Variants in SPATA9 observed in about 807,000 individuals in gnomAD.
SPATA9 encodes spermatogenesis-associated protein 9.
SPATA9 carries 27 observed loss-of-function variants against 25.5 expected under a neutral mutation model. The ratio of observed to expected loss-of-function variants is 1.06; its 90% CI spans 0.78 to 1.46. The LOEUF (loss-of-function observed/expected upper bound fraction) is 1.46, where lower values mean the gene tolerates loss of function less well. SPATA9 is among the 40% of genes most tolerant of loss of function. The pLI, the probability that SPATA9 is intolerant of heterozygous loss-of-function variation, is 0.00. For synonymous variants in SPATA9, 102 were observed against 105.7 expected (o/e 0.97, Z 0.21); for missense variants, 282 against 297.5 (o/e 0.95, Z 0.38).
At chr5:95,731,677 G>C in the SPATA9 span, 58 of 1,613,500 alleles carry the variant, frequency 3.6e-5, no homozygotes, top group South Asian at 6.4e-4. Context: ...CCTTGGATTT[G>C]AGATCATGTA....
At chr5:95,730,403 C>A in the SPATA9 span, among the ~76,000 whole-genome samples, 8 of 152,302 alleles carry the variant, frequency 5.3e-5, no homozygotes, top group South Asian at 2.1e-4. Flanking sequence ...TAATCCCTGG[C>A]CCATTTTGGT....
At chr5:95,730,947 G>T in the SPATA9 span, 1 of 476,184 alleles carries the variant, frequency 2.1e-6, no homozygotes, top group Admixed American at 2.4e-5. Context: ...GGTTGCTGGG[G>T]CGGCACTCGG....
the SPATA9 span, among the ~76,000 whole-genome samples, chr5:95,728,775 TAGG>T: frequency 6.6e-6 from 1 of 152,124 alleles, no homozygotes; most frequent in African/African-American, 2.4e-5. Flanking sequence ...CAGGATGAGA[TAGG>T]AGGTCAGCAC....
intron 3 of SPATA9, among the ~76,000 whole-genome samples, chr5:95,664,412 A>G (rs961159666): frequency 2.0e-5 from 3 of 152,222 alleles, no homozygotes; most frequent in Non-Finnish European, 2.9e-5. Flanking sequence ...CACAACCTCA[A>G]TTAAGTAAAC....
chr5:95,708,876 G>A, the SPATA9 span: 2 of 483,794 alleles, frequency 4.1e-6, no homozygotes, highest in Non-Finnish European at 7.4e-6. Context: ...AGGAAGGCAC[G>A]GAGGACATAA....
At chr5:95,700,919 T>G (rs1389524380), upstream of SPATA9, among the ~76,000 whole-genome samples, 2 of 152,230 alleles carry the variant, frequency 1.3e-5, no homozygotes, top group African/African-American at 4.8e-5. Flanking sequence ...AATATTTTCC[T>G]TTTTATCACT....
intron 3 of SPATA9, among the ~76,000 whole-genome samples, chr5:95,665,081 C>T (rs1751644736): frequency 6.6e-6 from 1 of 152,000 alleles, no homozygotes; most frequent in African/African-American, 2.4e-5. Flanking sequence ...TTTTAATTGA[C>T]ACATTGTAAT....
downstream of SPATA9, chr5:95,657,565 C>T (rs1750836065): frequency 6.6e-6 from 1 of 152,042 alleles, no homozygotes; most frequent in African/African-American, 2.4e-5. Flanking sequence ...TAATACTTAA[C>T]ATTCTAAGGA....
chr5:95,723,501 G>T, the SPATA9 span, among the ~76,000 whole-genome samples: 1 of 152,174 alleles, frequency 6.6e-6, no homozygotes, highest in African/African-American at 2.4e-5. Flanking sequence ...GAATGACTTT[G>T]CTTAGTTACT....
At chr5:95,697,181 G>A (rs1030152369) in intron 1 of SPATA9, among the ~76,000 whole-genome samples, 7 of 152,200 alleles carry the variant, frequency 4.6e-5, no homozygotes, top group African/African-American at 7.2e-5. Flanking sequence ...AGAGGTTGCA[G>A]TCAAACTGTT....
intron 3 of SPATA9, chr5:95,670,392 T>C (rs940019563): frequency 6.6e-6 from 1 of 152,202 alleles, no homozygotes; most frequent in African/African-American, 2.4e-5. Context: ...ATAGAGAGTT[T>C]TGGTAGAGCT....
chr5:95,653,045 G>T (rs1004468332), exon 9 of SPATA9: 9 of 1,539,126 alleles, frequency 5.8e-6, no homozygotes, highest in Non-Finnish European at 7.9e-6. Context: ...TGCATATTAT[G>T]TTCCAGTCTT....
upstream of SPATA9, among the ~76,000 whole-genome samples, chr5:95,703,639 A>G (rs1442687520): frequency 6.6e-6 from 1 of 151,314 alleles, no homozygotes; most frequent in Non-Finnish European, 1.5e-5. Flanking sequence ...CATCTCAAAA[A>G]AAAGTAAAAA....
At chr5:95,654,531 T>C (rs1377404795), downstream of SPATA9, among the ~76,000 whole-genome samples, 2 of 152,220 alleles carry the variant, frequency 1.3e-5, no homozygotes, top group Non-Finnish European at 2.9e-5. Context: ...ACCTAGCAAT[T>C]ATACTCTATA....
the SPATA9 span, among the ~76,000 whole-genome samples, chr5:95,727,235 ACCT>A: frequency 6.6e-6 from 1 of 152,084 alleles, no homozygotes; most frequent in Non-Finnish European, 1.5e-5. Context: ...TTTTTCTGCC[ACCT>A]CCTCAAGCTG....
At chr5:95,709,960 C>T in the SPATA9 span, among the ~76,000 whole-genome samples, 6 of 152,112 alleles carry the variant, frequency 3.9e-5, no homozygotes, top group African/African-American at 1.4e-4. Flanking sequence ...AGCCTGCGCT[C>T]CTGGTAGATG....
downstream of SPATA9, chr5:95,654,281 A>G (rs143670008): frequency 8.0e-5 from 128 of 1,608,286 alleles, 1 homozygote; most frequent in East Asian, 1.9e-3. Context: ...CCATGAAACT[A>G]TCAAAATTTC....
the SPATA9 span, among the ~76,000 whole-genome samples, chr5:95,708,128 G>T: frequency 6.6e-6 from 1 of 152,192 alleles, no homozygotes; most frequent in African/African-American, 2.4e-5. Context: ...GATACCAGGG[G>T]ATGTTATTTT....
At chr5:95,731,577 G>A in the SPATA9 span, 4 of 1,534,318 alleles carry the variant, frequency 2.6e-6, no homozygotes, top group East Asian at 5.1e-5. Flanking sequence ...AGGGGGACGC[G>A]GCCGGGGATG....
Sources: allele counts gnomAD v4.1 joint callset (sites outside exome capture counted in the v4.1 genomes callset), GRCh38; gene constraint gnomAD v4.1.1; transcripts MANE v1.5; gene names NCBI Gene and HGNC (gene_info 2026-07-23, HGNC 2026-07-21).